ARB2A: variants seen among roughly 807,000 people sequenced by gnomAD.
ARB2A encodes cotranscriptional regulator ARB2A.
At chr5:93,789,255 A>G in the ARB2A span, among the ~76,000 whole-genome samples, 1 of 152,354 alleles carries the variant, frequency 6.6e-6, no homozygotes, top group Admixed American at 6.5e-5. Context: ...AGAAAATCAG[A>G]TAACACATAT....
the ARB2A span, among the ~76,000 whole-genome samples, chr5:93,655,350 C>T: frequency 6.6e-6 from 1 of 152,254 alleles, no homozygotes; most frequent in African/African-American, 2.4e-5. Flanking sequence ...GTATAGGACA[C>T]CTTCACAGTT....
the ARB2A span, among the ~76,000 whole-genome samples, chr5:93,765,100 C>T: frequency 6.6e-6 from 1 of 152,214 alleles, no homozygotes; most frequent in South Asian, 2.1e-4. Context: ...ACTGAATGGG[C>T]AAAAACTGGA....
the ARB2A span, among the ~76,000 whole-genome samples, chr5:93,727,574 A>G: frequency 6.6e-6 from 1 of 152,034 alleles, no homozygotes; most frequent in Non-Finnish European, 1.5e-5. Flanking sequence ...CTATGAGGGT[A>G]TATACCTTCT....
At chr5:93,717,243 T>G in the ARB2A span, among the ~76,000 whole-genome samples, 1 of 152,178 alleles carries the variant, frequency 6.6e-6, no homozygotes, top group African/African-American at 2.4e-5. Context: ...CGTCTTTTAC[T>G]GCTGCAGAAG....
the ARB2A span, among the ~76,000 whole-genome samples, chr5:93,860,227 A>G: frequency 1.3e-5 from 2 of 152,200 alleles, no homozygotes; most frequent in African/African-American, 4.8e-5. Context: ...CAGGAGGCGG[A>G]GCTTGCAGTG....
the ARB2A span, among the ~76,000 whole-genome samples, chr5:93,768,077 C>T: frequency 6.8e-6 from 1 of 147,384 alleles, no homozygotes; most frequent in African/African-American, 2.5e-5. Context: ...GACTATTATT[C>T]CAAGTGAAGT....
At chr5:93,765,693 AG>A in the ARB2A span, among the ~76,000 whole-genome samples, 2 of 152,196 alleles carry the variant, frequency 1.3e-5, no homozygotes, top group African/African-American at 2.4e-5. Flanking sequence ...ACTACTTTAA[AG>A]TTCATATGGA....
the ARB2A span, chr5:93,866,102 AG>A: frequency 2.0e-6 from 2 of 985,088 alleles, no homozygotes; most frequent in Non-Finnish European, 2.4e-6. Flanking sequence ...ATGTGATAAA[AG>A]GTTTTAGGAC....
chr5:93,807,587 A>G, the ARB2A span, among the ~76,000 whole-genome samples: 1 of 151,994 alleles, frequency 6.6e-6, no homozygotes, highest in Non-Finnish European at 1.5e-5. Context: ...ATATAAAGTT[A>G]GTAAAGACAA....
At chr5:93,696,092 G>A in the ARB2A span, among the ~76,000 whole-genome samples, 1 of 151,990 alleles carries the variant, frequency 6.6e-6, no homozygotes, top group African/African-American at 2.4e-5. Context: ...GTAGATGACG[G>A]GTTGATGGGT....
At chr5:93,982,797 G>A in the ARB2A span, among the ~76,000 whole-genome samples, 2 of 152,190 alleles carry the variant, frequency 1.3e-5, no homozygotes, top group Non-Finnish European at 2.9e-5. Context: ...GCTCATGCCG[G>A]TAATCCCAGC....
chr5:93,627,443 G>GTTTTTTTT, the ARB2A span, among the ~76,000 whole-genome samples: 3 of 130,546 alleles, frequency 2.3e-5, no homozygotes, highest in Non-Finnish European at 3.3e-5. Context: ...AATGTGTTTT[G>GTTTTTTTT]TTTTTTTTTT....
chr5:93,883,467 T>C, the ARB2A span, among the ~76,000 whole-genome samples: 6 of 151,642 alleles, frequency 4.0e-5, no homozygotes, highest in African/African-American at 1.4e-4. Context: ...AAAGATATTT[T>C]ATTTGGTCCT....
the ARB2A span, among the ~76,000 whole-genome samples, chr5:93,746,409 C>T: frequency 6.6e-6 from 1 of 152,086 alleles, no homozygotes; most frequent in African/African-American, 2.4e-5. Flanking sequence ...ATACAAGATG[C>T]TTTTACTCTT....
the ARB2A span, among the ~76,000 whole-genome samples, chr5:93,836,653 T>C: frequency 1.8e-4 from 27 of 152,260 alleles, no homozygotes. Context: ...TTTAAATGTA[T>C]GCTTTTTTAC....
At chr5:93,816,070 T>C in the ARB2A span, among the ~76,000 whole-genome samples, 4 of 152,212 alleles carry the variant, frequency 2.6e-5, no homozygotes, top group African/African-American at 4.8e-5. Context: ...CTGGCTCCTC[T>C]GAGTTAACTT....
the ARB2A span, among the ~76,000 whole-genome samples, chr5:93,793,508 G>A: frequency 6.6e-6 from 1 of 151,948 alleles, no homozygotes; most frequent in Non-Finnish European, 1.5e-5. Context: ...TAGCCTCCAT[G>A]AGGGCAAATC....
At chr5:94,085,924 A>C in the ARB2A span, among the ~76,000 whole-genome samples, 1 of 152,216 alleles carries the variant, frequency 6.6e-6, no homozygotes, top group East Asian at 1.9e-4. Context: ...AGCTAAACTA[A>C]AACAAATTAT....
chr5:93,940,657 C>T, the ARB2A span, among the ~76,000 whole-genome samples: 1 of 151,824 alleles, frequency 6.6e-6, no homozygotes, highest in Admixed American at 6.6e-5. Context: ...CCTATGGACG[C>T]TATTATTTAC....
Sources: gnomAD v4.1 joint callset for allele counts (sites outside exome capture counted in the v4.1 genomes callset) on GRCh38, gnomAD v4.1.1 for gene constraint, MANE v1.5 for transcripts, NCBI Gene and HGNC (gene_info 2026-07-23, HGNC 2026-07-21) for gene names.